Variants in DHRSX observed in about 807,000 individuals in gnomAD.
DHRSX encodes the protein dehydrogenase/reductase X-linked, also known as polyprenol dehydrogenase.
In DHRSX, 31 loss-of-function variants were observed where a neutral mutation model predicts 34.0. The observed-to-expected ratio is 0.91, with a 90% CI of 0.69 to 1.23. The LOEUF is 1.23. Among genes scored for constraint, DHRSX ranks in the 50% most tolerant of loss-of-function variants. DHRSX has a pLI of 0.00. For synonymous variants in DHRSX, 201 were observed against 183.8 expected, an observed-to-expected ratio of 1.09 and a Z score of -0.76; for missense variants, 414 against 428.1, an observed-to-expected ratio of 0.97 and a Z score of 0.29.
At chrX:2,297,289 C>T in intron 3 of DHRSX, among the ~76,000 whole-genome samples, 1 of 152,268 alleles carries the variant, frequency 6.6e-6, no homozygotes, top group Admixed American at 6.5e-5. Flanking sequence ...CGCCTGGCTA[C>T]TTTTTGTAGT....
chrX:2,220,965 G>A lies in DHRSX; in HGVS notation c.*76C>T, dbSNP rs769942402. ...GGTGGGTGTGAGAAACTCAAACACC[G>A]CAGTCTTCACAGACCCACAAGCTAT... is the stretch of plus-strand genomic sequence containing the variant. On this transcript the variant is annotated 3_prime_UTR_variant, in exon 7 of 7. Transcript: ENST00000334651. 1.2e-4 allele frequency: 176 copies of A among 1,448,384 alleles called. No homozygotes were observed. In the East Asian group the frequency reaches 1.5e-3, roughly 12 times the overall value. The allele number at this position is 1,448,384 out of a possible 1,614,324, so 89.7% of individuals were successfully genotyped here.
chrX:2,304,882 T>C (rs189461241), intron 3 of DHRSX, among the ~76,000 whole-genome samples: 4 of 151,908 alleles, frequency 2.6e-5, no homozygotes, highest in Admixed American at 6.6e-5. Flanking sequence ...TAGAAATCAT[T>C]CTATTATAAA....
intron 1 of DHRSX, among the ~76,000 whole-genome samples, chrX:2,457,892 G>T (rs186855348): frequency 4.6e-4 from 69 of 149,382 alleles, no homozygotes; most frequent in African/African-American, 1.6e-3. Context: ...GCCAAGAGAC[G>T]GCAGGGAATA....
rs1261479098 is a variant in DHRSX, at chrX:2,480,459, A to G, written c.109+20358T>C. On this transcript the variant is annotated intron_variant, in intron 1 of 6. Transcript: ENST00000334651. ...TGCTATGGAAGGCTGAGGAAGGAGG[A>G]TCACTGGAGGCCAAGAGTTTGAGAC... Among the ~76,000 whole-genome samples, 3 of 150,836 alleles carry G rather than the reference A, an allele frequency of 2.0e-5. No homozygotes were observed. The Admixed American group carries it at 2.0e-4, about 10-fold the overall frequency.
intron 1 of DHRSX, among the ~76,000 whole-genome samples, chrX:2,455,997 G>A (rs1238289012): frequency 3.3e-5 from 5 of 151,882 alleles, no homozygotes; most frequent in South Asian, 4.2e-4. Flanking sequence ...CTCCGTCACT[G>A]ATCAAAGAAT....
At chrX:2,246,730 AAGAAAGAAAGAAAGAAAG>A (rs1372241148) in intron 5 of DHRSX, among the ~76,000 whole-genome samples, 7 of 114,702 alleles carry the variant, frequency 6.1e-5, no homozygotes, top group Middle Eastern at 5.3e-3. Context: ...GAAAGAAAGA[AAGAAAGAAAGAAAGAAAG>A]AAAAAGAAAG....
At chrX:2,248,249 C>T (rs955845044) in intron 5 of DHRSX, among the ~76,000 whole-genome samples, 8 of 151,902 alleles carry the variant, frequency 5.3e-5, no homozygotes, top group African/African-American at 9.7e-5. Context: ...TTGGCTAATA[C>T]GGTGAAACCC....
chrX:2,294,688 G>C (rs2041909055), intron 3 of DHRSX, among the ~76,000 whole-genome samples: 1 of 150,024 alleles, frequency 6.7e-6, no homozygotes, highest in African/African-American at 2.5e-5. Flanking sequence ...GAGACAGAAA[G>C]AGGCAAAGAG....
intron 3 of DHRSX, among the ~76,000 whole-genome samples, chrX:2,298,974 A>G (rs2041978294): frequency 7.1e-6 from 1 of 140,148 alleles, no homozygotes; most frequent in African/African-American, 2.8e-5. Flanking sequence ...AACAAGAGTG[A>G]AACTCTGTCT....
At chrX:2,269,168 T>A (rs1167946895) in intron 4 of DHRSX, among the ~76,000 whole-genome samples, 1 of 152,252 alleles carries the variant, frequency 6.6e-6, no homozygotes, top group Non-Finnish European at 1.5e-5. Flanking sequence ...AGGTCTAGCA[T>A]TTGTCTACAT....
chrX:2,462,535 C>CA (rs5901190), intron 1 of DHRSX, among the ~76,000 whole-genome samples: 33 of 148,666 alleles, frequency 2.2e-4, no homozygotes, highest in Admixed American at 2.7e-4. Context: ...AACTCCATCT[C>CA]AAAAAAAAAA....
intron 3 of DHRSX, among the ~76,000 whole-genome samples, chrX:2,349,145 C>A (rs1289853799): frequency 2.0e-5 from 3 of 152,068 alleles, no homozygotes; most frequent in Non-Finnish European, 4.4e-5. Flanking sequence ...AGCAAGCATG[C>A]TTCTAGGTAT....
intron 6 of DHRSX, among the ~76,000 whole-genome samples, chrX:2,224,080 C>A (rs1036757256): frequency 4.6e-5 from 7 of 152,208 alleles, no homozygotes; most frequent in Non-Finnish European, 8.8e-5. Flanking sequence ...TAGTGCTGTG[C>A]CTTCTTTGCA....
rs757409214 is a variant in DHRSX, at chrX:2,275,913, G to A, written c.389-8966C>T. Among the ~76,000 whole-genome samples the A allele has an allele frequency of 4.6e-5, 7 of 151,874 alleles. No individual in the cohort carries two copies. In the East Asian group the frequency reaches 9.7e-4, roughly 21 times the overall value. The stretch of plus-strand genomic sequence containing the variant: ...GGCTGGAGTGCAGTGGCACAATCTC[G>A]GCCCACTGCAGCCTCTGCCTCCCGG... On this transcript the variant is annotated intron_variant, in intron 4 of 6. Coordinates refer to ENST00000334651, the MANE Select transcript of DHRSX (RefSeq NM_145177.3).
chrX:2,393,436 C>A (rs1270702321), intron 3 of DHRSX, among the ~76,000 whole-genome samples: 10 of 150,504 alleles, frequency 6.6e-5, no homozygotes, highest in East Asian at 2.0e-4. Context: ...CAGGGACCTC[C>A]CCATCTCCTG....
chrX:2,240,299 A>G (rs1049506533), intron 6 of DHRSX, among the ~76,000 whole-genome samples: 1 of 151,676 alleles, frequency 6.6e-6, no homozygotes, highest in African/African-American at 2.4e-5. Flanking sequence ...CTCAAAAAAA[A>G]AAAGAAAAAG....
chrX:2,290,890 G>A (rs758233170), intron 4 of DHRSX, among the ~76,000 whole-genome samples: 12 of 152,276 alleles, frequency 7.9e-5, no homozygotes, highest in African/African-American at 2.4e-4. Flanking sequence ...TCAGTGTTAC[G>A]AGGAGAAACA....
chrX:2,291,410 G>A, intron 4 of DHRSX, 92 bp downstream of exon 4: 2 of 970,726 alleles, frequency 2.1e-6, no homozygotes, highest in South Asian at 1.4e-5. Context: ...TGGATATCCT[G>A]TTTTGCTGAG....
At chrX:2,322,457 G>A (rs990167392) in intron 3 of DHRSX, among the ~76,000 whole-genome samples, 5 of 151,220 alleles carry the variant, frequency 3.3e-5, no homozygotes, top group African/African-American at 9.7e-5. Flanking sequence ...GCTGAGGCAG[G>A]AGAATCACTT....
Sources: gnomAD v4.1 joint callset for allele counts (sites outside exome capture counted in the v4.1 genomes callset) on GRCh38, gnomAD v4.1.1 for gene constraint, MANE v1.5 for transcripts, NCBI Gene and HGNC (gene_info 2026-07-23, HGNC 2026-07-21) for gene names.